The following YY1AP1 variants were observed in gnomAD, a reference collection of about 807,000 sequenced individuals.
The protein encoded by YY1AP1 is YY1 associated protein 1.
A neutral mutation model predicts 39.9 loss-of-function variants in YY1AP1; 43 were observed. That is an observed-to-expected ratio of 1.08 (90% confidence interval 0.84 to 1.39). The LOEUF is 1.39. Among genes scored for constraint, YY1AP1 ranks in the 40% most tolerant of loss-of-function variants. The probability of loss-of-function intolerance (pLI) is 0.00; values close to 1 mark genes in which losing one functional copy is unlikely to be tolerated. For synonymous variants in YY1AP1, 292 were observed against 331.3 expected, an observed-to-expected ratio of 0.88 and a Z score of 1.29; for missense variants, 813 against 900.7, an observed-to-expected ratio of 0.90 and a Z score of 1.25.
intron 4 of YY1AP1, chr1:155,679,193 T>C: frequency 1.3e-6 from 2 of 1,499,186 alleles, no homozygotes; most frequent in Non-Finnish European, 1.8e-6. Flanking sequence ...CTACTGTTTT[T>C]TCTCCCTTCC....
At chr1:155,688,903 G>T (rs373858221), upstream of YY1AP1, 430 of 1,612,664 alleles carry the variant, frequency 2.7e-4, 2 homozygotes, top group South Asian at 4.3e-4. Context: ...TTGCCAGGGT[G>T]GCCGGCCGAG....
At chr1:155,681,050 G>A (rs1342963361) in intron 2 of YY1AP1, among the ~76,000 whole-genome samples, 1 of 147,442 alleles carries the variant, frequency 6.8e-6, no homozygotes, top group Non-Finnish European at 1.5e-5. Context: ...TTTTTTTTGA[G>A]ACGGAGTTTC....
intron 2 of YY1AP1, 187 bp downstream of exon 2, chr1:155,687,884 T>G (rs1652727807): frequency 1.6e-6 from 1 of 622,720 alleles, no homozygotes; most frequent in Non-Finnish European, 2.6e-6. Context: ...GGGACACCCC[T>G]TCACCCCGCC....
rs1443423926 is a variant in YY1AP1 at position 155,676,766 on chromosome 1, C to G, written c.126-20G>C. 2 of 1,612,282 alleles carry G rather than the reference C, an allele frequency of 1.2e-6. No homozygotes were observed. Among genetic ancestry groups the G allele is most frequent in the Non-Finnish European group, 1.7e-6 (2 of 1,178,886 alleles). On this transcript the variant is annotated intron_variant, in intron 4 of 10. Transcript: ENST00000355499. The stretch of plus-strand genomic sequence containing the variant: ...TCAAACCTATCCCAAACGGGGATGA[C>G]TGAATTTGAGTGTTTTCCTAGGTCC...
chr1:155,665,399 A>G (rs181626809), intron 9 of YY1AP1, among the ~76,000 whole-genome samples: 21 of 152,100 alleles, frequency 1.4e-4, no homozygotes, highest in Admixed American at 5.2e-4. Flanking sequence ...GGAGATCAAA[A>G]CCATCCTGGC....
Position 155,672,659 on chromosome 1 carries a change from A to G in YY1AP1, c.484T>C (p.Phe162Leu). The change falls in exon 7 of 11, where the codon TTC becomes CTC. Residue 162 changes from phenylalanine (F) to leucine (L), a missense_variant. Coordinates refer to ENST00000355499, the MANE Select transcript of YY1AP1 (RefSeq NM_139119.3). ...GCTCCCATCAAGTTACAGGGTTGGA[A>G]CAGGGTCTGAAACTTGGGGTTGTAC... is the stretch of plus-strand genomic sequence containing the variant. The part of the protein sequence containing the change: ...HQYNPKFQTL[F>L]QPCNLMGAMQ... 1 of 1,614,122 alleles carries G rather than the reference A, an allele frequency of 6.2e-7. No homozygotes were observed.
intron 6 of YY1AP1, among the ~76,000 whole-genome samples, chr1:155,673,316 G>C (rs1000029561): frequency 6.6e-6 from 1 of 151,952 alleles, no homozygotes; most frequent in African/African-American, 2.4e-5. Flanking sequence ...ACCCGACCAG[G>C]ACCATTACTT....
Position 155,659,695 on chromosome 1 carries a change from GT to G in YY1AP1, c.2214del (p.Glu738AspfsTer18). The G allele has an allele frequency of 6.2e-7, 1 of 1,614,176 alleles. No homozygotes were observed. Among genetic ancestry groups the G allele is most frequent in the Middle Eastern group, 1.6e-4 (1 of 6,062 alleles). The stretch of plus-strand genomic sequence containing the variant: ...CTGATTTCCTCTGTAGCATCTTCAG[GT>G]TCCATCTTGACAACTTCCTCTAAAT... Reference protein sequence around the residue: ...PGDLEEVVKMEPEDATEEISG... With the variant: ...PGDLEEVVKMXPEDATEEISG... On this transcript the variant is annotated frameshift_variant, in exon 11 of 11. Coordinates refer to ENST00000355499, the MANE Select transcript of YY1AP1 (RefSeq NM_139119.3). LOFTEE classifies it high-confidence loss of function.
intron 2 of YY1AP1, among the ~76,000 whole-genome samples, chr1:155,685,830 T>C (rs533048772): frequency 3.9e-5 from 6 of 152,234 alleles, no homozygotes; most frequent in Admixed American, 2.6e-4. Context: ...GCTCATCTTC[T>C]AACTTGAGGG....
chr1:155,669,602 A>G (rs968898604), intron 8 of YY1AP1, among the ~76,000 whole-genome samples: 2 of 152,212 alleles, frequency 1.3e-5, no homozygotes, highest in African/African-American at 4.8e-5. Context: ...TATAAAATGA[A>G]TAATAGGTAC....
rs774327027 is a variant in YY1AP1, at chr1:155,680,407, A to G, written c.21+9T>C. ...AATCCCATGTTCTCACTTGAGGATC[A>G]TTACTCACAGTTTCAAACAGATCTT... On this transcript the variant is annotated intron_variant, in intron 3 of 10. Coordinates refer to ENST00000355499, the MANE Select transcript of YY1AP1 (RefSeq NM_139119.3). 1 of 1,613,344 alleles carries G rather than the reference A, an allele frequency of 6.2e-7. No individual in the cohort carries two copies. Among genetic ancestry groups the G allele is most frequent in the Non-Finnish European group, 8.5e-7 (1 of 1,179,572 alleles).
chr1:155,679,190 T>G, intron 4 of YY1AP1: 2 of 1,496,172 alleles, frequency 1.3e-6, no homozygotes, highest in South Asian at 2.4e-5. Context: ...CAGCTACTGT[T>G]TTTTCTCCCT....
intron 9 of YY1AP1, among the ~76,000 whole-genome samples, chr1:155,664,467 G>A (rs1648646878): frequency 6.6e-6 from 1 of 152,136 alleles, no homozygotes. Context: ...GGATGTGGTG[G>A]CTCATGCCTG....
intron 7 of YY1AP1, chr1:155,672,127 T>TATC (rs1452982607): frequency 4.4e-6 from 1 of 227,708 alleles, no homozygotes; most frequent in African/African-American, 2.3e-5. Flanking sequence ...AGAATGGAGA[T>TATC]ATCACCTATG....
chr1:155,679,283 T>C, intron 4 of YY1AP1, 126 bp downstream of exon 4: 1 of 1,547,762 alleles, frequency 6.5e-7, no homozygotes, highest in Non-Finnish European at 8.7e-7. Flanking sequence ...CTGACAGGAC[T>C]CTGCATCCTT....
At chr1:155,661,221 T>G in intron 10 of YY1AP1, 86 bp downstream of exon 10, 1 of 1,613,820 alleles carries the variant, frequency 6.2e-7, no homozygotes, top group Non-Finnish European at 8.5e-7. Context: ...AACTAAAGCA[T>G]TAGACGATTA....
intron 1 of YY1AP1, 46 bp downstream of exon 1, chr1:155,688,613 C>A: frequency 6.5e-7 from 1 of 1,535,188 alleles, no homozygotes; most frequent in East Asian, 2.4e-5. Context: ...CTCCACTCCC[C>A]CTCAGACCCT....
At chr1:155,672,858 G>A in intron 6 of YY1AP1, 127 bp from the exon 7 acceptor site, 1 of 1,293,998 alleles carries the variant, frequency 7.7e-7, no homozygotes, top group Non-Finnish European at 1.1e-6. Flanking sequence ...TAATCATAAA[G>A]TCTTTCACAA....
chr1:155,668,488 A>C (rs1304468802), intron 9 of YY1AP1, 139 bp downstream of exon 9: 8 of 1,316,910 alleles, frequency 6.1e-6, no homozygotes. Context: ...AAAAGGCAAC[A>C]GGGGAATTAA....
Sources: allele counts gnomAD v4.1 joint callset (sites outside exome capture counted in the v4.1 genomes callset), GRCh38; gene constraint gnomAD v4.1.1; transcripts MANE v1.5; gene names NCBI Gene and HGNC (gene_info 2026-07-23, HGNC 2026-07-21).